The following DLL4 variants were observed in gnomAD, a reference collection of about 807,000 sequenced individuals.
DLL4 encodes the protein delta-like protein 4.
A neutral mutation model predicts 73.6 loss-of-function variants in DLL4; 7 were observed. The observed-to-expected ratio is 0.10, with a 90% CI of 0.05 to 0.18. The LOEUF (loss-of-function observed/expected upper bound fraction) is 0.18, where lower values mean the gene tolerates loss of function less well. Ranked by LOEUF, DLL4 falls within the 10% of genes least tolerant of loss-of-function variation. The pLI is 1.00. For missense variants in DLL4, 614 were observed against 929.9 expected (o/e 0.66, Z 4.42); for synonymous variants, 345 against 374.3 (o/e 0.92, Z 0.90).
Position 40,930,931 on chromosome 15 carries a change from C to T in DLL4, c.394+249C>T. 1 of 580,122 alleles carries T rather than the reference C, an allele frequency of 1.7e-6. No individual in the cohort carries two copies. The allele number at this position is 580,122 out of a possible 1,614,324, so 35.9% of individuals were successfully genotyped here. A position where few individuals can be genotyped will look rare whatever the true frequency, so the allele number is the denominator to read the frequency against. ...ACGGCGGTGAGAAAGGCTGAAGCTG[C>T]CAGCGCCGCTGACGGGCCCCTTCCT... On this transcript the variant is annotated intron_variant, in intron 3 of 10. Coordinates refer to ENST00000249749, the MANE Select transcript of DLL4 (RefSeq NM_019074.4). This position sits in a 1 kb window ranked among gnomAD's most constrained non-coding sequence, Gnocchi z 5.7.
chr15:40,930,239 A>C lies in DLL4; in HGVS notation c.336+123A>C, dbSNP rs563517772. The C allele has an allele frequency of 2.3e-5, 28 of 1,219,116 alleles. No homozygotes were observed. Among genetic ancestry groups the C allele is most frequent in the Non-Finnish European group, 3.0e-5 (27 of 885,706 alleles). The allele number at this position is 1,219,116 out of a possible 1,614,324, so 75.5% of individuals were successfully genotyped here. A position where few individuals can be genotyped will look rare whatever the true frequency, so the allele number is the denominator to read the frequency against. ...CCCACCCCCAAAAAGCCCAGGATGCATTCTTTCCTGGCTCTTCCCGACTCT... is the reference window on the plus strand; with the variant it reads ...CCCACCCCCAAAAAGCCCAGGATGCCTTCTTTCCTGGCTCTTCCCGACTCT... On this transcript the variant is annotated intron_variant, in intron 2 of 10. Coordinates refer to ENST00000249749, the MANE Select transcript of DLL4 (RefSeq NM_019074.4). The surrounding 1 kb of genome is among the most constrained non-coding windows in gnomAD (Gnocchi z 5.7).
chr15:40,930,397 C>T lies in DLL4; in HGVS notation c.337-228C>T. On this transcript the variant is annotated intron_variant, in intron 2 of 10. Transcript: ENST00000249749. This position sits in a 1 kb window ranked among gnomAD's most constrained non-coding sequence, Gnocchi z 5.7. Reference sequence around the variant, plus strand: ...GGCGGTACCCTACCACCCCCTCCTCCAGTGGCTCTCCCTTACACTCTCCCG... The same window carrying T: ...GGCGGTACCCTACCACCCCCTCCTCTAGTGGCTCTCCCTTACACTCTCCCG... 1.6e-6 allele frequency: 1 copy of T among 631,236 alleles called. No homozygotes were observed. The highest frequency in any genetic ancestry group is 2.0e-5 in the South Asian group (1 of 51,072). 39.1% of individuals were successfully genotyped at this position (631,236 alleles called of 1,614,324 possible). A position where few individuals can be genotyped will look rare whatever the true frequency, so the allele number is the denominator to read the frequency against.
rs1328820423 is a variant in DLL4 at position 40,938,119 on chromosome 15, G to A, written c.*85G>A. On this transcript the variant is annotated 3_prime_UTR_variant, in exon 11 of 11. Coordinates refer to ENST00000249749, the MANE Select transcript of DLL4 (RefSeq NM_019074.4). ...GTTTACATTGCATCCTGGATGGGAC[G>A]TTTTTCATATGCAACGTGCTGCTCT... 5 of 1,400,278 alleles carry A rather than the reference G, an allele frequency of 3.6e-6. No individual in the cohort carries two copies. In the South Asian group the frequency reaches 4.6e-5, roughly 13 times the overall value. 86.7% of individuals were successfully genotyped at this position (1,400,278 alleles called of 1,614,324 possible). A position where few individuals can be genotyped will look rare whatever the true frequency, so the allele number is the denominator to read the frequency against.
intron 9 of DLL4, 70 bp downstream of exon 9, chr15:40,937,000 G>A: frequency 2.2e-6 from 3 of 1,344,034 alleles, no homozygotes; most frequent in Non-Finnish European, 1.0e-6. Context: ...CTCCTCTTAG[G>A]CCAGGCGGGA....
At chr15:40,931,869 GC>G in intron 4 of DLL4, 103 bp downstream of exon 4, 139 of 1,440,614 alleles carry the variant, frequency 9.6e-5, no homozygotes, top group Non-Finnish European at 1.3e-4. Context: ...GTGGGTCTGG[GC>G]CTCCTACTAG....
At position 40,929,851 on chromosome 15, in the gene DLL4, C is replaced by G; in HGVS notation, c.71C>G (p.Ala24Gly). 1 of 1,611,048 alleles carries G rather than the reference C, an allele frequency of 6.2e-7. No homozygotes were observed. Among genetic ancestry groups the G allele is most frequent in the Non-Finnish European group, 8.5e-7 (1 of 1,179,446 alleles). The change falls in exon 2 of 11, where the codon GCG becomes GGG. Residue 24 changes from alanine (A) to glycine (G), a missense_variant. Coordinates refer to ENST00000249749, the MANE Select transcript of DLL4 (RefSeq NM_019074.4). The surrounding 1 kb of genome is among the most constrained non-coding windows in gnomAD (Gnocchi z 7.1). Reference protein sequence around the residue: ...LLLVALWQQRAAGSGVFQLQL... With the variant: ...LLLVALWQQRGAGSGVFQLQL... Reference sequence around the variant, plus strand: ...CCCTCGGTCCCTGTGCAATAGCGCGCGGCCGGCTCCGGCGTCTTCCAGCTG... The same window carrying G: ...CCCTCGGTCCCTGTGCAATAGCGCGGGGCCGGCTCCGGCGTCTTCCAGCTG...
Position 40,934,561 on chromosome 15 carries a change from C to T in DLL4, c.864C>T (p.Cys288=). The change falls in exon 7 of 11, where the codon TGC becomes TGT. Residue 288 remains cysteine, a synonymous_variant. Coordinates refer to ENST00000249749, the MANE Select transcript of DLL4 (RefSeq NM_019074.4). ...CTGTTTCTGCAGATCTCAACTACTGCACCCACCACTCCCCATGCAAGAATG... is the reference window on the plus strand; with the variant it reads ...CTGTTTCTGCAGATCTCAACTACTGTACCCACCACTCCCCATGCAAGAATG... The part of the protein sequence containing the change: ...GLFCDQDLNY[C]THHSPCKNGA... The T allele has an allele frequency of 6.2e-7, 1 of 1,613,766 alleles. No homozygotes were observed. Among genetic ancestry groups the T allele is most frequent in the Non-Finnish European group, 8.5e-7 (1 of 1,179,796 alleles).
In DLL4 at chr15:40,938,316, CA is replaced by C. The variant is rs372793972; in HGVS notation, c.*283del. The stretch of plus-strand genomic sequence containing the variant: ...GCACTGCCCTGCCAGTAGTGGCCTT[CA>C]GGGGGCTCCTTCCGGGGCTCCGGCC... On this transcript the variant is annotated 3_prime_UTR_variant, in exon 11 of 11. Transcript: ENST00000249749. 5.8e-6 allele frequency: 2 copies of C among 346,022 alleles called. No homozygotes were observed. The highest frequency in any genetic ancestry group is 4.2e-5 in the African/African-American group (2 of 47,428). The allele number at this position is 346,022 out of a possible 1,614,324, so 21.4% of individuals were successfully genotyped here.
intron 4 of DLL4, 136 bp downstream of exon 4, chr15:40,931,902 G>C: frequency 8.2e-7 from 1 of 1,224,482 alleles, no homozygotes; most frequent in Non-Finnish European, 1.1e-6. Flanking sequence ...GGATGCTGAG[G>C]GTGGGCTTGA....
rs749294716 is a variant in DLL4, at chr15:40,936,501, T to A, written c.1514T>A (p.Val505Glu). Residue 505 changes from valine to glutamate, a missense_variant, in exon 9 of 11, where the codon GTG (valine) becomes GAG (glutamate). Val to Glu is a moderately radical substitution (Grantham distance 121). Transcript: ENST00000249749. ...CYTDLSTDTF[V>E]CNCPYGFVGS... Reference sequence around the variant, plus strand: ...ACCGACCTCTCCACAGACACCTTTGTGTGCAACTGCCCTTATGGCTTTGTG... The same window carrying A: ...ACCGACCTCTCCACAGACACCTTTGAGTGCAACTGCCCTTATGGCTTTGTG... 2 of 1,611,778 alleles carry A rather than the reference T, an allele frequency of 1.2e-6. No individual in the cohort carries two copies. Among genetic ancestry groups the A allele is most frequent in the African/African-American group, 2.7e-5 (2 of 74,926 alleles).
intron 6 of DLL4, among the ~76,000 whole-genome samples, chr15:40,933,467 C>A (rs1892799496): frequency 6.6e-6 from 1 of 152,176 alleles, no homozygotes; most frequent in Non-Finnish European, 1.5e-5. Context: ...CCCTCCCTGT[C>A]CTTCCCAAAT....
At chr15:40,937,912 C>T (rs1039225110) in intron 10 of DLL4, 117 bp from the exon 11 acceptor site, 3 of 1,258,050 alleles carry the variant, frequency 2.4e-6, no homozygotes, top group East Asian at 5.1e-5. Context: ...AGGACTGCCC[C>T]ACCTGCCCTT....
In DLL4 at chr15:40,934,103, A is replaced by G. The variant is rs531915055; in HGVS notation, c.851-445A>G. On this transcript the variant is annotated intron_variant, in intron 6 of 10. Transcript: ENST00000249749. ...TCCCAGCACTTTGGGAGGCCGAGGT[A>G]GGTGGATCACTTGAAGTCAGGAGTT... Among the ~76,000 whole-genome samples the G allele has an allele frequency of 1.0e-4, 15 of 150,468 alleles. No individual in the cohort carries two copies. In the South Asian group the frequency reaches 2.3e-3, roughly 23 times the overall value.
chr15:40,937,893 A>G, intron 10 of DLL4, 136 bp from the exon 11 acceptor site: 1 of 1,019,040 alleles, frequency 9.8e-7, no homozygotes, highest in Non-Finnish European at 1.4e-6. Context: ...GTTGGGCCGA[A>G]GACTGGGGAG....
intron 8 of DLL4, among the ~76,000 whole-genome samples, chr15:40,935,454 G>T (rs1478589029): frequency 6.6e-6 from 1 of 152,246 alleles, no homozygotes; most frequent in Admixed American, 6.5e-5. Flanking sequence ...TCTCCTCAAA[G>T]GAGGCAGTGA....
Position 40,931,894 on chromosome 15 carries a change from A to T in DLL4, c.658+128A>T, listed in dbSNP as rs143917704. The stretch of plus-strand genomic sequence containing the variant: ...GCCTCCTACTAGCTGGGCCTCAGGG[A>T]TGCTGAGGGTGGGCTTGACCTCAGA... On this transcript the variant is annotated intron_variant, in intron 4 of 10. Coordinates refer to ENST00000249749, the MANE Select transcript of DLL4 (RefSeq NM_019074.4). 7.2e-4 allele frequency: 909 copies of T among 1,259,650 alleles called. 8 individuals are homozygous for T. In the African/African-American group the frequency reaches 0.011, roughly 16 times the overall value. 78.0% of individuals were successfully genotyped at this position (1,259,650 alleles called of 1,614,324 possible). A position where few individuals can be genotyped will look rare whatever the true frequency, so the allele number is the denominator to read the frequency against.
At chr15:40,933,511 T>G (rs1048951547) in intron 6 of DLL4, among the ~76,000 whole-genome samples, 1 of 152,200 alleles carries the variant, frequency 6.6e-6, no homozygotes, top group Non-Finnish European at 1.5e-5. Context: ...AAAATACCCT[T>G]GTAACACCTC....
chr15:40,929,949 T>C lies in DLL4; in HGVS notation c.169T>C (p.Phe57Leu), dbSNP rs1396912818. Residue 57 changes from phenylalanine to leucine, a missense_variant, in exon 2 of 11, where the codon TTC (phenylalanine) becomes CTC (leucine). This residue lies in a region of DLL4 where 227 missense variants were observed against 370.8 expected (regional missense o/e 0.61). Coordinates refer to ENST00000249749, the MANE Select transcript of DLL4 (RefSeq NM_019074.4). The surrounding 1 kb of genome is among the most constrained non-coding windows in gnomAD (Gnocchi z 7.1). ...GRPCEPGCRT[F>L]FRVCLKHFQA... ...GCCTTGCGAGCCCGGCTGCCGGACT[T>C]TCTTCCGCGTCTGCCTTAAGCACTT... 6.2e-7 allele frequency: 1 copy of C among 1,613,092 alleles called. No individual in the cohort carries two copies. Among genetic ancestry groups the C allele is most frequent in the Non-Finnish European group, 8.5e-7 (1 of 1,179,834 alleles).
At chr15:40,935,862 T>C (rs1206124150) in intron 8 of DLL4, among the ~76,000 whole-genome samples, 2 of 152,220 alleles carry the variant, frequency 1.3e-5, no homozygotes, top group Non-Finnish European at 2.9e-5. Flanking sequence ...GGCTATCCTA[T>C]GAAGGGGCTA....
Sources: allele counts gnomAD v4.1 joint callset (sites outside exome capture counted in the v4.1 genomes callset), GRCh38; gene constraint gnomAD v4.1.1; regional missense constraint gnomAD v4.1.1; non-coding constraint Gnocchi (gnomAD v3.1); transcripts MANE v1.5; gene names NCBI Gene and HGNC (gene_info 2026-07-23, HGNC 2026-07-21).